The following TEX9 variants were observed in gnomAD, a reference collection of about 807,000 sequenced individuals.
TEX9 encodes testis expressed 9.
In TEX9, 74 loss-of-function variants were observed where a neutral mutation model predicts 59.6. The ratio of observed to expected loss-of-function variants is 1.24; its 90% CI spans 1.03 to 1.51. TEX9 has a LOEUF of 1.51. Ranked by LOEUF, TEX9 falls within the 40% of genes most tolerant of loss-of-function variation. TEX9 has a pLI of 0.00. For missense variants in TEX9, 522 were observed against 447.8 expected (o/e 1.17, Z -1.49); for synonymous variants, 186 against 152.2 (o/e 1.22, Z -1.64).
At chr15:56,373,556 C>A (rs773782351) in intron 3 of TEX9, 52 bp downstream of exon 3, 2 of 1,423,778 alleles carry the variant, frequency 1.4e-6, no homozygotes, top group Middle Eastern at 2.5e-4. Flanking sequence ...AGTTTTTTAT[C>A]TTTTTCATTT....
rs149612265 is a variant in TEX9 at position 56,343,147 on chromosome 15, G to A, written c.-106-30294G>A. Among the ~76,000 whole-genome samples, 435 of 152,190 alleles carry A rather than the reference G, an allele frequency of 2.9e-3. 5 individuals are homozygous for A. Among genetic ancestry groups the A allele is most frequent in the Non-Finnish European group, 3.8e-3 (257 of 67,970 alleles). ...AGGTTTATAAAAATAATTTAAAACAGTTCATAGATCAAAGAAGAAGTTACT... is the reference window on the plus strand; with the variant it reads ...AGGTTTATAAAAATAATTTAAAACAATTCATAGATCAAAGAAGAAGTTACT... On this transcript the variant is annotated intron_variant, in intron 1 of 5. Coordinates refer to the TEX9 transcript ENST00000560827.
At chr15:56,253,211 C>T (rs1046904757) in intron 1 of TEX9, among the ~76,000 whole-genome samples, 2 of 152,044 alleles carry the variant, frequency 1.3e-5, no homozygotes, top group African/African-American at 4.8e-5. Context: ...TCAAACTCTG[C>T]GTGTTTGAAA....
chr15:56,444,530 T>C, intron 12 of TEX9: 1 of 1,612,756 alleles, frequency 6.2e-7, no homozygotes, highest in Non-Finnish European at 8.5e-7. Context: ...CCTGCTTTTT[T>C]TTTTCTTGTT....
chr15:56,354,685 A>G (rs1183363347), intron 1 of TEX9, among the ~76,000 whole-genome samples: 4 of 152,198 alleles, frequency 2.6e-5, no homozygotes, highest in South Asian at 2.1e-4. Flanking sequence ...ACAGTCAGGC[A>G]AGCAGCAAAA....
intron 1 of TEX9, among the ~76,000 whole-genome samples, chr15:56,255,496 GAA>G (rs1204845881): frequency 6.6e-6 from 1 of 151,670 alleles, no homozygotes; most frequent in Non-Finnish European, 1.5e-5. Context: ...CTCAAATTTA[GAA>G]AAAGACACCT....
intron 1 of TEX9, among the ~76,000 whole-genome samples, chr15:56,352,678 T>G (rs1415874575): frequency 6.6e-6 from 1 of 152,186 alleles, no homozygotes; most frequent in Non-Finnish European, 1.5e-5. Context: ...TCTCTGTTAT[T>G]TTCAGTATTT....
At position 56,386,082 on chromosome 15, in the gene TEX9, A is replaced by G. The variant is rs113766134; in HGVS notation, c.263+2051A>G. 5.5e-3 allele frequency among the ~76,000 whole-genome samples: 835 copies of G among 152,254 alleles called. 4 individuals are homozygous for G. The highest frequency in any genetic ancestry group is 0.014 in the Middle Eastern group (4 of 294). ...CAATTGGTGGCTGGATAAACAAATT[A>G]TGGTATATCCATGCAATGGAATACT... On this transcript the variant is annotated intron_variant, in intron 4 of 12. Transcript: ENST00000352903.
intron 10 of TEX9, among the ~76,000 whole-genome samples, chr15:56,415,201 C>T (rs999172453): frequency 6.0e-5 from 9 of 150,846 alleles, no homozygotes; most frequent in Non-Finnish European, 8.8e-5. Flanking sequence ...TTTACTCTGC[C>T]GATCATTTAT....
intron 1 of TEX9, among the ~76,000 whole-genome samples, chr15:56,319,535 G>T (rs2713900): frequency 7.9e-5 from 12 of 151,670 alleles, no homozygotes; most frequent in African/African-American, 2.9e-4. Context: ...CAAGCTTTTC[G>T]TGTTTGCTTT....
intron 9 of TEX9, among the ~76,000 whole-genome samples, chr15:56,404,039 A>G (rs1039518758): frequency 3.9e-5 from 6 of 152,334 alleles, no homozygotes; most frequent in African/African-American, 1.4e-4. Context: ...CTGGAAGAAA[A>G]CCTATGCAGT....
intron 4 of TEX9, among the ~76,000 whole-genome samples, chr15:56,385,246 C>T (rs1302890668): frequency 9.2e-5 from 14 of 152,134 alleles, no homozygotes; most frequent in African/African-American, 3.4e-4. Flanking sequence ...CTCTTGATTA[C>T]CCTTGTTGTA....
At chr15:56,435,092 C>A (rs1461633222) in intron 12 of TEX9, among the ~76,000 whole-genome samples, 1 of 151,932 alleles carries the variant, frequency 6.6e-6, no homozygotes, top group Non-Finnish European at 1.5e-5. Flanking sequence ...AAAATAAATA[C>A]ATTGTAGTTA....
chr15:56,407,928 T>G (rs888808092), intron 9 of TEX9, among the ~76,000 whole-genome samples: 9 of 152,236 alleles, frequency 5.9e-5, no homozygotes, highest in Non-Finnish European at 2.9e-5. Context: ...CCTGCACTTG[T>G]GCACTGGATT....
intron 1 of TEX9, among the ~76,000 whole-genome samples, chr15:56,330,579 C>T (rs2046119626): frequency 6.6e-6 from 1 of 152,018 alleles, no homozygotes; most frequent in Non-Finnish European, 1.5e-5. Context: ...TTAGTTAGTT[C>T]ATGCAAGCAA....
intron 12 of TEX9, among the ~76,000 whole-genome samples, chr15:56,431,133 G>A (rs1056190121): frequency 2.0e-5 from 3 of 152,124 alleles, no homozygotes; most frequent in African/African-American, 4.8e-5. Context: ...CAGCCTGGGC[G>A]ATAAATAAGG....
intron 10 of TEX9, among the ~76,000 whole-genome samples, chr15:56,416,163 C>T (rs769187535): frequency 5.3e-5 from 8 of 151,790 alleles, no homozygotes; most frequent in Non-Finnish European, 7.4e-5. Context: ...AGAATTACGC[C>T]GTCTGCAAAC....
intron 1 of TEX9, among the ~76,000 whole-genome samples, chr15:56,339,403 A>AAAC (rs2046328370): frequency 6.9e-6 from 1 of 145,102 alleles, no homozygotes; most frequent in South Asian, 2.2e-4. Flanking sequence ...AAAAAAAAAA[A>AAAC]AAAAAAAAAA....
chr15:56,453,912 T>C, the TEX9 span, among the ~76,000 whole-genome samples: 1 of 152,164 alleles, frequency 6.6e-6, no homozygotes, highest in Non-Finnish European at 1.5e-5. Flanking sequence ...TTAAAAAAGC[T>C]AAATCTTAAT....
downstream of TEX9, among the ~76,000 whole-genome samples, chr15:56,447,915 T>A (rs2050919831): frequency 6.6e-6 from 1 of 152,230 alleles, no homozygotes; most frequent in Admixed American, 6.5e-5. Context: ...AGGTACCATT[T>A]TTCTCTGGCT....
Sources: allele counts gnomAD v4.1 joint callset (sites outside exome capture counted in the v4.1 genomes callset), GRCh38; gene constraint gnomAD v4.1.1; transcripts MANE v1.5; gene names NCBI Gene and HGNC (gene_info 2026-07-23, HGNC 2026-07-21).